The following EPHB3 variants were observed in gnomAD, a reference collection of about 807,000 sequenced individuals.
EPHB3 encodes ephrin type-B receptor 3.
EPHB3 carries 33 observed loss-of-function variants against 100.2 expected under a neutral mutation model. The observed-to-expected ratio is 0.33, with a 90% confidence interval of 0.25 to 0.44. The LOEUF (loss-of-function observed/expected upper bound fraction) is 0.44, where lower values mean the gene tolerates loss of function less well. Ranked by LOEUF, EPHB3 falls within the 20% of genes least tolerant of loss-of-function variation. EPHB3 has a pLI of 1.00. For synonymous variants in EPHB3, 526 were observed against 554.7 expected (o/e 0.95, Z 0.73); for missense variants, 1,045 against 1,378.3 (o/e 0.76, Z 3.83).
chr3:184,575,285 C>G (rs778794246), intron 3 of EPHB3: 3 of 962,742 alleles, frequency 3.1e-6, no homozygotes, highest in Non-Finnish European at 2.5e-6. Flanking sequence ...CTCCTCTCAC[C>G]CGTCCTCAGC....
At chr3:184,567,514 TTGC>T (rs1714417962) in intron 1 of EPHB3, among the ~76,000 whole-genome samples, 2 of 148,524 alleles carry the variant, frequency 1.3e-5, no homozygotes, top group African/African-American at 4.9e-5. Context: ...TGTGTGTGTG[TTGC>T]GGGTGCATGG....
In EPHB3 at chr3:184,562,198, C is replaced by G; in HGVS notation, c.-38C>G. The G allele has an allele frequency of 2.0e-6, 1 of 493,976 alleles. No homozygotes were observed. The allele number at this position is 493,976 out of a possible 1,614,324, so 30.6% of individuals were successfully genotyped here. On this transcript the variant is annotated 5_prime_UTR_variant, in exon 1 of 16. Coordinates refer to ENST00000330394, the MANE Select transcript of EPHB3 (RefSeq NM_004443.4). This position sits in a 1 kb window ranked among gnomAD's most constrained non-coding sequence, Gnocchi z 4.8. ...GCAGCCCCGCCGGCGCGGCCCGGCC[C>G]GGCGCGGCCCGGCTCGGCTCCTAGA...
Position 184,578,337 on chromosome 3 carries a change from G to C in EPHB3, c.1749-77G>C. The C allele has an allele frequency of 6.2e-7, 1 of 1,603,590 alleles. No homozygotes were observed. On this transcript the variant is annotated intron_variant, in intron 8 of 15. Coordinates refer to ENST00000330394, the MANE Select transcript of EPHB3 (RefSeq NM_004443.4). The surrounding 1 kb of genome is among the most constrained non-coding windows in gnomAD (Gnocchi z 4.7). ...CCCCTGTATCCTCTCCGCCCCTTCT[G>C]TGAGCCCAAGGGTGCCCTGAACAAA...
rs1263311968 is a variant in EPHB3 at position 184,581,740 on chromosome 3, T to G, written c.*118T>G. 1.7e-5 allele frequency: 18 copies of G among 1,076,870 alleles called. No homozygotes were observed. The highest frequency in any genetic ancestry group is 2.2e-5 in the Non-Finnish European group (17 of 766,102). The allele number at this position is 1,076,870 out of a possible 1,614,324, so 66.7% of individuals were successfully genotyped here. A position where few individuals can be genotyped will look rare whatever the true frequency, so the allele number is the denominator to read the frequency against. ...AGGCTGTGGCCCAGAAGCTGGAAGT[T>G]TGGGAAAGGCCCAAGCTGGGACTTC... On this transcript the variant is annotated 3_prime_UTR_variant, in exon 16 of 16. Transcript: ENST00000330394.
At position 184,573,263 on chromosome 3, in the gene EPHB3, A is replaced by C. The variant is rs965837633; in HGVS notation, c.856+87A>C. ...GCCCCGCCCCCCACCCCTGCTTGCTATCTGACTAGGAGGTCTGGGAGCAGG... is the reference window on the plus strand; with the variant it reads ...GCCCCGCCCCCCACCCCTGCTTGCTCTCTGACTAGGAGGTCTGGGAGCAGG... On this transcript the variant is annotated intron_variant, in intron 3 of 15. Coordinates refer to ENST00000330394, the MANE Select transcript of EPHB3 (RefSeq NM_004443.4). The surrounding 1 kb of genome is among the most constrained non-coding windows in gnomAD (Gnocchi z 4.5). 14 of 1,531,408 alleles carry C rather than the reference A, an allele frequency of 9.1e-6. No homozygotes were observed. The highest frequency in any genetic ancestry group is 2.6e-6 in the Non-Finnish European group (3 of 1,136,282). 94.9% of individuals were successfully genotyped at this position (1,531,408 alleles called of 1,614,324 possible).
In EPHB3 at chr3:184,573,297, G is replaced by A. The variant is rs1295352989; in HGVS notation, c.856+121G>A. 1.6e-6 allele frequency: 2 copies of A among 1,262,384 alleles called. No individual in the cohort carries two copies. Among genetic ancestry groups the A allele is most frequent in the Non-Finnish European group, 2.2e-6 (2 of 912,330 alleles). The allele number at this position is 1,262,384 out of a possible 1,614,324, so 78.2% of individuals were successfully genotyped here. ...GGAGGTCTGGGAGCAGGTCCACAGT[G>A]GAGGCAGGAGAGGGAAGAGTGGGGA... On this transcript the variant is annotated intron_variant, in intron 3 of 15. Transcript: ENST00000330394. The surrounding 1 kb of genome is among the most constrained non-coding windows in gnomAD (Gnocchi z 4.5).
Position 184,573,238 on chromosome 3 carries a change from G to A in EPHB3, c.856+62G>A, listed in dbSNP as rs552519525. 2.5e-5 allele frequency: 39 copies of A among 1,588,372 alleles called. No individual in the cohort carries two copies. Among genetic ancestry groups the A allele is most frequent in the South Asian group, 4.4e-5 (4 of 90,200 alleles). ...AGGGCCTGGGCCACAGCTACCTACC[G>A]CCCCGCCCCCCACCCCTGCTTGCTA... On this transcript the variant is annotated intron_variant, in intron 3 of 15. Coordinates refer to ENST00000330394, the MANE Select transcript of EPHB3 (RefSeq NM_004443.4). This position sits in a 1 kb window ranked among gnomAD's most constrained non-coding sequence, Gnocchi z 4.5.
At position 184,572,161 on chromosome 3, in the gene EPHB3, A is replaced by G. The variant is rs1714553834; in HGVS notation, c.184-343A>G. Among the ~76,000 whole-genome samples the G allele has an allele frequency of 6.6e-6, 1 of 152,252 alleles. No homozygotes were observed. Among genetic ancestry groups the G allele is most frequent in the African/African-American group, 2.4e-5 (1 of 41,468 alleles). ...AAGCAGCCCCATTTTACAGATGACA[A>G]AACTGAGGTATAAAGATAACAAATA... On this transcript the variant is annotated intron_variant, in intron 2 of 15. Coordinates refer to ENST00000330394, the MANE Select transcript of EPHB3 (RefSeq NM_004443.4). This position sits in a 1 kb window ranked among gnomAD's most constrained non-coding sequence, Gnocchi z 6.6.
In EPHB3 at chr3:184,571,011, A is replaced by G. The variant is rs1489037018; in HGVS notation, c.119-307A>G. On this transcript the variant is annotated intron_variant, in intron 1 of 15. Transcript: ENST00000330394. This position sits in a 1 kb window ranked among gnomAD's most constrained non-coding sequence, Gnocchi z 5.0. ...CTCTCTGTTGCCCAGGGTGGAGTGC[A>G]GTAGTGCAATCTCGGCTCACTGCAA... Among the ~76,000 whole-genome samples the G allele has an allele frequency of 2.7e-5, 4 of 148,050 alleles. No homozygotes were observed. The Admixed American group carries it at 2.7e-4, about 10-fold the overall frequency.
Position 184,581,675 on chromosome 3 carries a change from C to T in EPHB3, c.*53C>T. The T allele has an allele frequency of 6.7e-7, 1 of 1,482,446 alleles. No homozygotes were observed. The highest frequency in any genetic ancestry group is 1.3e-5 in the South Asian group (1 of 74,234). The allele number at this position is 1,482,446 out of a possible 1,614,324, so 91.8% of individuals were successfully genotyped here. A position where few individuals can be genotyped will look rare whatever the true frequency, so the allele number is the denominator to read the frequency against. Reference sequence around the variant, plus strand: ...CCGTGCAGGGATGCCAAGCAGCCGGCTGGACTTTCGGACTCTTGGACTTTT... The same window carrying T: ...CCGTGCAGGGATGCCAAGCAGCCGGTTGGACTTTCGGACTCTTGGACTTTT... On this transcript the variant is annotated 3_prime_UTR_variant, in exon 16 of 16. Transcript: ENST00000330394.
At position 184,577,015 on chromosome 3, in the gene EPHB3, G is replaced by T. The variant is rs144807386; in HGVS notation, c.1186G>T (p.Val396Leu). 2 of 1,614,064 alleles carry T rather than the reference G, an allele frequency of 1.2e-6. No homozygotes were observed. Among genetic ancestry groups the T allele is most frequent in the Admixed American group, 3.3e-5 (2 of 60,028 alleles). ...ASACSRCDDN[V>L]EFVPRQLGLT... is the part of the protein sequence containing the mutation. ...AGCCTGCTCACGCTGTGATGACAAC[G>T]TGGAGTTTGTGCCTCGGCAGCTGGG... Residue 396 changes from valine (V) to leucine (L), a missense_variant, in exon 5 of 16, where the codon GTG becomes TTG. By Grantham distance (32) the Val-to-Leu change is conservative. Transcript: ENST00000330394. This position sits in a 1 kb window ranked among gnomAD's most constrained non-coding sequence, Gnocchi z 4.9.
Position 184,581,596 on chromosome 3 carries a change from A to T in EPHB3, c.2971A>T (p.Asn991Tyr). The change falls in exon 16 of 16, where the codon AAC becomes TAC. Residue 991 changes from asparagine to tyrosine, a missense_variant. Transcript: ENST00000330394. ...SSIQDMRLQMNQTLPVQV is the reference protein window; with the variant it reads ...SSIQDMRLQMYQTLPVQV ...TATCCAGGACATGCGGCTGCAGATGAACCAGACGCTGCCTGTGCAGGTCTG... is the reference window on the plus strand; with the variant it reads ...TATCCAGGACATGCGGCTGCAGATGTACCAGACGCTGCCTGTGCAGGTCTG... 2 of 1,613,182 alleles carry T rather than the reference A, an allele frequency of 1.2e-6. No homozygotes were observed. The highest frequency in any genetic ancestry group is 1.3e-5 in the African/African-American group (1 of 75,044).
intron 1 of EPHB3, among the ~76,000 whole-genome samples, chr3:184,566,274 G>A (rs1444381438): frequency 2.0e-5 from 3 of 152,222 alleles, no homozygotes; most frequent in African/African-American, 7.2e-5. Flanking sequence ...GATGAGCACC[G>A]AGGCGTTTGG....
chr3:184,579,401 C>T lies in EPHB3; in HGVS notation c.1802-76C>T, dbSNP rs1339274463. 2 of 1,575,166 alleles carry T rather than the reference C, an allele frequency of 1.3e-6. No individual in the cohort carries two copies. Among genetic ancestry groups the T allele is most frequent in the Admixed American group, 1.7e-5 (1 of 58,020 alleles). ...ATATGGGGCTGGGCTCAGCAGGGAGCCTGCTGGAGCTGTGCCCATCGCAGG... is the reference window on the plus strand; with the variant it reads ...ATATGGGGCTGGGCTCAGCAGGGAGTCTGCTGGAGCTGTGCCCATCGCAGG... On this transcript the variant is annotated intron_variant, in intron 9 of 15. Transcript: ENST00000330394. This position sits in a 1 kb window ranked among gnomAD's most constrained non-coding sequence, Gnocchi z 5.2.
rs767514490 is a variant in EPHB3, at chr3:184,581,013, C to T, written c.2580C>T (p.Pro860=). 4 of 1,614,128 alleles carry T rather than the reference C, an allele frequency of 2.5e-6. No individual in the cohort carries two copies. The East Asian group carries it at 6.7e-5, about 27-fold the overall frequency. Residue 860 remains proline (P), a synonymous_variant, in exon 14 of 16, where the codon CCC becomes CCT. Transcript: ENST00000330394. The part of the protein sequence containing the change: ...AVEQDYRLPP[P]MDCPTALHQL... The stretch of plus-strand genomic sequence containing the variant: ...AGCAGGATTACCGGCTGCCACCACC[C>T]ATGGACTGTCCCACAGCACTGCACC...
chr3:184,579,689 G>A lies in EPHB3; in HGVS notation c.1927G>A (p.Glu643Lys). ...AGCTTGTGCCCTGTGCCCTGCAGGG[G>A]AATTTGGGGAAGTGTGCCGTGGTCG... ...VKIEEVIGAG[E>K]FGEVCRGRLK... The change falls in exon 11 of 16, where the codon GAA (glutamate) becomes AAA (lysine). Residue 643 changes from glutamate (E) to lysine (K), a missense_variant and splice_region_variant. Coordinates refer to ENST00000330394, the MANE Select transcript of EPHB3 (RefSeq NM_004443.4). This position sits in a 1 kb window ranked among gnomAD's most constrained non-coding sequence, Gnocchi z 5.2. 6.2e-7 allele frequency: 1 copy of A among 1,611,124 alleles called. No homozygotes were observed. Among genetic ancestry groups the A allele is most frequent in the Non-Finnish European group, 8.5e-7 (1 of 1,178,046 alleles).
rs1714549530 is a variant in EPHB3, at chr3:184,571,951, CT to C, written c.184-551del. Among the ~76,000 whole-genome samples, 1 of 152,238 alleles carries C rather than the reference CT, an allele frequency of 6.6e-6. No homozygotes were observed. Among genetic ancestry groups the C allele is most frequent in the Non-Finnish European group, 1.5e-5 (1 of 68,046 alleles). On this transcript the variant is annotated intron_variant, in intron 2 of 15. Transcript: ENST00000330394. This position sits in a 1 kb window ranked among gnomAD's most constrained non-coding sequence, Gnocchi z 5.0. ...ACTGTGTGACCTTGGGCAAAACTCC[CT>C]TCTGCGAGCCTTGGCTTCCTCATCT...
In EPHB3 at chr3:184,581,742, G is replaced by A. The variant is rs1202828873; in HGVS notation, c.*120G>A. On this transcript the variant is annotated 3_prime_UTR_variant, in exon 16 of 16. Coordinates refer to ENST00000330394, the MANE Select transcript of EPHB3 (RefSeq NM_004443.4). ...GCTGTGGCCCAGAAGCTGGAAGTTT[G>A]GGAAAGGCCCAAGCTGGGACTTCTC... The A allele has an allele frequency of 1.1e-5, 11 of 1,034,874 alleles. No individual in the cohort carries two copies. Among genetic ancestry groups the A allele is most frequent in the Non-Finnish European group, 1.5e-5 (11 of 727,942 alleles). 64.1% of individuals were successfully genotyped at this position (1,034,874 alleles called of 1,614,324 possible).
At chr3:184,581,437 G>C in intron 15 of EPHB3, 29 bp downstream of exon 15, 1 of 1,585,610 alleles carries the variant, frequency 6.3e-7, no homozygotes. Flanking sequence ...TGGAGGAGCA[G>C]GGCAGGGGGC....
Sources: allele counts gnomAD v4.1 joint callset (sites outside exome capture counted in the v4.1 genomes callset), GRCh38; gene constraint gnomAD v4.1.1; non-coding constraint Gnocchi (gnomAD v3.1); transcripts MANE v1.5; gene names NCBI Gene and HGNC (gene_info 2026-07-23, HGNC 2026-07-21).